HS1BP3: variants seen among roughly 807,000 people sequenced by gnomAD.
The protein encoded by HS1BP3 is HCLS1 binding protein 3.
A neutral mutation model predicts 33.5 loss-of-function variants in HS1BP3; 32 were observed. The ratio of observed to expected loss-of-function variants is 0.95; its 90% confidence interval spans 0.72 to 1.28. HS1BP3 has a LOEUF of 1.28. Ranked by LOEUF, HS1BP3 falls within the 50% of genes most tolerant of loss-of-function variation. The probability of loss-of-function intolerance (pLI) is 0.00; values close to 1 mark genes in which losing one functional copy is unlikely to be tolerated. For synonymous variants in HS1BP3, 187 were observed against 209.2 expected (o/e 0.89, Z 0.92); for missense variants, 486 against 502.3 (o/e 0.97, Z 0.31).
chr2:20,614,686 G>A (rs1694385065), downstream of HS1BP3, among the ~76,000 whole-genome samples: 1 of 152,242 alleles, frequency 6.6e-6, no homozygotes, highest in Non-Finnish European at 1.5e-5. Flanking sequence ...AGTTGGCCTG[G>A]AGAGAGCTAG....
intron 4 of HS1BP3, chr2:20,636,966 G>A (rs911240327): frequency 5.3e-5 from 8 of 152,038 alleles, no homozygotes; most frequent in Middle Eastern, 6.3e-3. Context: ...TTACTCTTAG[G>A]TGCTAAGCTT....
chr2:20,603,841 C>T (rs1481833072), intron 2 of HS1BP3, among the ~76,000 whole-genome samples: 1 of 152,236 alleles, frequency 6.6e-6, no homozygotes, highest in East Asian at 1.9e-4. Flanking sequence ...CATGGCCCTC[C>T]AGAGATGGGT....
At chr2:20,631,624 C>A (rs972398079) in intron 4 of HS1BP3, among the ~76,000 whole-genome samples, 1 of 150,968 alleles carries the variant, frequency 6.6e-6, no homozygotes, top group African/African-American at 2.4e-5. Flanking sequence ...TTCCAAGGAC[C>A]TGTTTCTCAA....
At chr2:20,563,709 A>T (rs1440568706) in intron 5 of HS1BP3, among the ~76,000 whole-genome samples, 2 of 152,286 alleles carry the variant, frequency 1.3e-5, no homozygotes, top group East Asian at 3.9e-4. Flanking sequence ...ATTCCTGCAC[A>T]GGGGGCTTCT....
At chr2:20,555,654 C>T (rs1171696837), downstream of HS1BP3, among the ~76,000 whole-genome samples, 1 of 152,070 alleles carries the variant, frequency 6.6e-6, no homozygotes, top group Non-Finnish European at 1.5e-5. Context: ...CTCCCCACCC[C>T]CCTGCCTCTT....
At chr2:20,628,022 G>A (rs1383169517) in intron 4 of HS1BP3, among the ~76,000 whole-genome samples, 1 of 152,302 alleles carries the variant, frequency 6.6e-6, no homozygotes, top group Non-Finnish European at 1.5e-5. Context: ...GGGCAGGGAG[G>A]GAAGAGGGAT....
In HS1BP3 at chr2:20,641,184, G is replaced by C. The variant is rs1695336592; in HGVS notation, c.199-4C>G. The C allele has an allele frequency of 6.2e-7, 1 of 1,601,050 alleles. No individual in the cohort carries two copies. The highest frequency in any genetic ancestry group is 1.3e-5 in the African/African-American group (1 of 74,916). The stretch of plus-strand genomic sequence containing the variant: ...TCTCGCTGTACTTTTTGGAGACCTG[G>C]AATGAGAGGAGCATGTGGTTTCCTG... On this transcript the variant is annotated splice_polypyrimidine_tract_variant and splice_region_variant and intron_variant, in intron 2 of 6. Coordinates refer to ENST00000304031, the MANE Select transcript of HS1BP3 (RefSeq NM_022460.4).
downstream of HS1BP3, among the ~76,000 whole-genome samples, chr2:20,616,633 T>TC (rs1694432292): frequency 6.6e-6 from 1 of 152,162 alleles, no homozygotes; most frequent in African/African-American, 2.4e-5. Flanking sequence ...ACTCTATGCC[T>TC]CCTCTGCCTT....
Position 20,618,972 on chromosome 2 carries a change from G to T in HS1BP3, c.*15C>A, listed in dbSNP as rs753102297. 2 of 1,608,568 alleles carry T rather than the reference G, an allele frequency of 1.2e-6. No homozygotes were observed. Among genetic ancestry groups the T allele is most frequent in the Non-Finnish European group, 1.7e-6 (2 of 1,176,364 alleles). On this transcript the variant is annotated 3_prime_UTR_variant, in exon 7 of 7. Transcript: ENST00000304031. ...CACAGACAGGCCTGCTGGGCCAGGG[G>T]CCAGCATGGAAGGGTCAGAAGAGGC...
At chr2:20,579,367 C>T (rs949961332) in intron 5 of HS1BP3, among the ~76,000 whole-genome samples, 1 of 152,258 alleles carries the variant, frequency 6.6e-6, no homozygotes, top group Non-Finnish European at 1.5e-5. Context: ...ACCGGGACTT[C>T]GAGAGACAGG....
At chr2:20,650,399 A>AC (rs1695656186) in intron 1 of HS1BP3, among the ~76,000 whole-genome samples, 1 of 152,162 alleles carries the variant, frequency 6.6e-6, no homozygotes, top group Admixed American at 6.5e-5. Context: ...ATCAGGGCCG[A>AC]CCCATTCTGC....
intron 6 of HS1BP3, among the ~76,000 whole-genome samples, 158 bp from the exon 7 acceptor site, chr2:20,619,403 T>C (rs1694525347): frequency 6.6e-6 from 1 of 152,086 alleles, no homozygotes; most frequent in African/African-American, 2.4e-5. Context: ...CATTCCACTC[T>C]GGCCCCTCCA....
chr2:20,614,076 T>C (rs2149287244), downstream of HS1BP3, among the ~76,000 whole-genome samples: 1 of 152,222 alleles, frequency 6.6e-6, no homozygotes, highest in East Asian at 1.9e-4. Flanking sequence ...GAAGACACCG[T>C]GTGAAGACAC....
At chr2:20,585,655 G>A (rs549941075) in intron 5 of HS1BP3, among the ~76,000 whole-genome samples, 4 of 152,286 alleles carry the variant, frequency 2.6e-5, no homozygotes, top group African/African-American at 9.6e-5. Flanking sequence ...TTGAAGGACC[G>A]AGAAGCTGCT....
intron 1 of HS1BP3, 61 bp from the exon 2 acceptor site, chr2:20,645,566 A>G: frequency 6.6e-6 from 10 of 1,525,006 alleles, no homozygotes; most frequent in Non-Finnish European, 8.8e-6. Context: ...TCCCGAGCAA[A>G]GTGCAGGCAG....
intron 6 of HS1BP3, chr2:20,622,242 C>T (rs772008903): frequency 8.1e-5 from 106 of 1,303,222 alleles, no homozygotes; most frequent in Non-Finnish European, 1.0e-4. Flanking sequence ...TGGATAGTCA[C>T]AGGGCAGACA....
chr2:20,589,862 G>A (rs1693770735), downstream of HS1BP3, among the ~76,000 whole-genome samples: 1 of 152,066 alleles, frequency 6.6e-6, no homozygotes, highest in Non-Finnish European at 1.5e-5. Context: ...TTGGGGTGGG[G>A]GCAGTTGAGG....
intron 2 of HS1BP3, 51 bp downstream of exon 2, chr2:20,645,289 G>T: frequency 1.3e-6 from 2 of 1,575,504 alleles, no homozygotes; most frequent in Non-Finnish European, 1.7e-6. Flanking sequence ...GTGTCTGCCC[G>T]CCCGGACCCC....
At chr2:20,627,006 C>T (rs544270313) in intron 4 of HS1BP3, among the ~76,000 whole-genome samples, 3 of 152,346 alleles carry the variant, frequency 2.0e-5, no homozygotes, top group East Asian at 1.9e-4. Flanking sequence ...CCCACTGAGT[C>T]GGAAACCCCA....
Sources: allele counts gnomAD v4.1 joint callset (sites outside exome capture counted in the v4.1 genomes callset), GRCh38; gene constraint gnomAD v4.1.1; transcripts MANE v1.5; gene names NCBI Gene and HGNC (gene_info 2026-07-23, HGNC 2026-07-21).